The following ABCF1 variants were observed in gnomAD, a reference collection of about 807,000 sequenced individuals.
ABCF1 encodes the protein ATP binding cassette subfamily F member 1.
Under a neutral mutation model 126.3 loss-of-function variants are expected in ABCF1, and 73 were observed. That is an observed-to-expected ratio of 0.58 (90% CI 0.48 to 0.70). The LOEUF is 0.70. Among genes scored for constraint, ABCF1 ranks in the 30% least tolerant of loss-of-function variants. The pLI, the probability that ABCF1 is intolerant of heterozygous loss-of-function variation, is 0.00. For synonymous variants in ABCF1, 345 were observed against 396.4 expected, an observed-to-expected ratio of 0.87 and a Z score of 1.54; for missense variants, 786 against 1,057.5, an observed-to-expected ratio of 0.74 and a Z score of 3.56.
chr6:30,586,999 G>A lies in ABCF1; in HGVS notation c.2031+288G>A, dbSNP rs999059868. On this transcript the variant is annotated intron_variant, in intron 20 of 24. Transcript: ENST00000326195. This position sits in a 1 kb window ranked among gnomAD's most constrained non-coding sequence, Gnocchi z 4.9. ...ATTAAAAATTGCATAAACGGGCCAG[G>A]CACAGTAGCTCACTCCTATAATCCC... Among the ~76,000 whole-genome samples, 2 of 152,144 alleles carry A rather than the reference G, an allele frequency of 1.3e-5. No homozygotes were observed. The highest frequency in any genetic ancestry group is 2.9e-5 in the Non-Finnish European group (2 of 68,020).
rs1368131769 is a variant in ABCF1 at position 30,574,289 on chromosome 6, T to C, written c.73+2729T>C. On this transcript the variant is annotated intron_variant, in intron 1 of 24. Transcript: ENST00000326195. The surrounding 1 kb of genome is among the most constrained non-coding windows in gnomAD (Gnocchi z 4.3). Reference sequence around the variant, plus strand: ...GGCACACACCGCCATGCCTGGCTTATTTTTTGTTTGTTTTTGTTTTTTGTT... The same window carrying C: ...GGCACACACCGCCATGCCTGGCTTACTTTTTGTTTGTTTTTGTTTTTTGTT... Among the ~76,000 whole-genome samples the C allele has an allele frequency of 2.6e-5, 4 of 152,120 alleles. No homozygotes were observed. Among genetic ancestry groups the C allele is most frequent in the Non-Finnish European group, 5.9e-5 (4 of 68,022 alleles).
Position 30,571,464 on chromosome 6 carries a change from A to G in ABCF1, c.-24A>G, listed in dbSNP as rs1483368028. On this transcript the variant is annotated 5_prime_UTR_variant, in exon 1 of 25. Transcript: ENST00000326195. ...AGCGGAAATAGCACCGGGCGCCGCC[A>G]CAGTAGCTGTAACTGCCACCGCGAT... 7 of 1,603,260 alleles carry G rather than the reference A, an allele frequency of 4.4e-6. No homozygotes were observed. Among genetic ancestry groups the G allele is most frequent in the African/African-American group, 1.3e-5 (1 of 74,940 alleles).
chr6:30,573,082 A>G (rs1561780757), intron 1 of ABCF1, among the ~76,000 whole-genome samples: 1 of 152,250 alleles, frequency 6.6e-6, no homozygotes, highest in Non-Finnish European at 1.5e-5. Context: ...GCAATGGAGA[A>G]TGAATGGCCT....
intron 1 of ABCF1, 73 bp from the exon 2 acceptor site, chr6:30,577,336 G>T: frequency 1.4e-6 from 2 of 1,429,240 alleles, no homozygotes; most frequent in Non-Finnish European, 1.9e-6. Flanking sequence ...AGGCTACAGA[G>T]ATCTTTGCAG....
Position 30,586,483 on chromosome 6 carries a change from T to G in ABCF1, c.1895T>G (p.Phe632Cys). 3 of 1,613,662 alleles carry G rather than the reference T, an allele frequency of 1.9e-6. No individual in the cohort carries two copies. The highest frequency in any genetic ancestry group is 2.5e-6 in the Non-Finnish European group (3 of 1,180,032). The change falls in exon 19 of 25, where the codon TTC (phenylalanine) becomes TGC (cysteine). Residue 632 changes from phenylalanine (F) to cysteine (C), a missense_variant. Coordinates refer to ENST00000326195, the MANE Select transcript of ABCF1 (RefSeq NM_001025091.2). The surrounding 1 kb of genome is among the most constrained non-coding windows in gnomAD (Gnocchi z 4.9). ...TTTTCGTGGCTTTCAGGTGTGACAT[T>G]CGGCTACCAGGGACAGAAACCACTC... ...PPVLGLHGVT[F>C]GYQGQKPLFK...
chr6:30,590,444 A>G (rs1561804779), intron 24 of ABCF1, 66 bp downstream of exon 24: 15 of 1,575,754 alleles, frequency 9.5e-6, no homozygotes, highest in East Asian at 2.2e-5. Context: ...GTCCTTCACT[A>G]CAGAAGGGCC....
intron 1 of ABCF1, among the ~76,000 whole-genome samples, chr6:30,576,165 T>G (rs1308961908): frequency 6.6e-6 from 1 of 151,054 alleles, no homozygotes; most frequent in Non-Finnish European, 1.5e-5. Flanking sequence ...TTATAATATC[T>G]TCTTCCTTCC....
At chr6:30,582,566 G>A in intron 9 of ABCF1, 59 bp downstream of exon 9, 1 of 1,566,886 alleles carries the variant, frequency 6.4e-7, no homozygotes, top group Admixed American at 1.7e-5. Flanking sequence ...TCAACTAGGG[G>A]ACATGCGATT....
At position 30,589,890 on chromosome 6, in the gene ABCF1, C is replaced by A; in HGVS notation, c.2149C>A (p.Leu717Met). The change falls in exon 22 of 25, where the codon CTG becomes ATG. Residue 717 changes from leucine (L) to methionine (M), a missense_variant. This residue lies in a region of ABCF1 where 288 missense variants were observed against 423.5 expected (regional missense o/e 0.68). Transcript: ENST00000326195. ...PTEYLQRGFNLPYQDARKCLG... is the reference protein window; with the variant it reads ...PTEYLQRGFNMPYQDARKCLG... ...TGAGTACCTGCAGCGGGGCTTCAAC[C>A]TGCCCTACCAGGATGCCCGCAAGTG... is the stretch of plus-strand genomic sequence containing the variant. The A allele has an allele frequency of 6.2e-7, 1 of 1,614,228 alleles. No individual in the cohort carries two copies. The highest frequency in any genetic ancestry group is 8.5e-7 in the Non-Finnish European group (1 of 1,180,044).
At chr6:30,575,071 CTTTTTTTTTTTTTTT>C (rs958476559) in intron 1 of ABCF1, among the ~76,000 whole-genome samples, 1 of 129,808 alleles carries the variant, frequency 7.7e-6, no homozygotes, top group Non-Finnish European at 1.7e-5. Flanking sequence ...GACTTTTTTT[CTTTTTTTTTTTTTTT>C]TTTGAGACAG....
Position 30,577,916 on chromosome 6 carries a change from A to G in ABCF1, c.216+3A>G. ...AGCAGCAGCAACAGCAACAGCAGGTACAAGTGCCACAGGGCCCACCAATCC... is the reference window on the plus strand; with the variant it reads ...AGCAGCAGCAACAGCAACAGCAGGTGCAAGTGCCACAGGGCCCACCAATCC... On this transcript the variant is annotated splice_donor_region_variant and intron_variant, in intron 3 of 24. Coordinates refer to ENST00000326195, the MANE Select transcript of ABCF1 (RefSeq NM_001025091.2). 1.2e-6 allele frequency: 2 copies of G among 1,613,964 alleles called. No individual in the cohort carries two copies. The highest frequency in any genetic ancestry group is 1.7e-6 in the Non-Finnish European group (2 of 1,179,986).
intron 6 of ABCF1, 47 bp from the exon 7 acceptor site, chr6:30,579,884 C>T: frequency 1.9e-6 from 3 of 1,579,632 alleles, no homozygotes; most frequent in Non-Finnish European, 2.6e-6. Flanking sequence ...CAAAGTAGCA[C>T]AATAATTTGT....
At chr6:30,573,103 A>C (rs1037066182) in intron 1 of ABCF1, among the ~76,000 whole-genome samples, 1 of 152,232 alleles carries the variant, frequency 6.6e-6, no homozygotes, top group Non-Finnish European at 1.5e-5. Context: ...TGAACTGGTC[A>C]AGATGGAGGC....
intron 24 of ABCF1, 25 bp downstream of exon 24, chr6:30,590,403 C>T: frequency 1.3e-6 from 2 of 1,593,934 alleles, no homozygotes; most frequent in Admixed American, 3.4e-5. Context: ...AGTGTGCCCT[C>T]ATCCCTGCTC....
intron 20 of ABCF1, among the ~76,000 whole-genome samples, chr6:30,587,314 A>C (rs566426391): frequency 6.6e-6 from 1 of 150,840 alleles, no homozygotes; most frequent in East Asian, 2.0e-4. Context: ...TCTTTGGGGG[A>C]GGCTGAGGCA....
In ABCF1 at chr6:30,586,722, G is replaced by A; in HGVS notation, c.2031+11G>A. On this transcript the variant is annotated intron_variant, in intron 20 of 24. Transcript: ENST00000326195. The surrounding 1 kb of genome is among the most constrained non-coding windows in gnomAD (Gnocchi z 4.9). ...GGCAAGCTGACACCGGTGAGTCCTGGAGCCAAGGAGGGAGAGCATGAGAAA... is the reference window on the plus strand; with the variant it reads ...GGCAAGCTGACACCGGTGAGTCCTGAAGCCAAGGAGGGAGAGCATGAGAAA... 1.2e-6 allele frequency: 2 copies of A among 1,613,694 alleles called. No homozygotes were observed. Among genetic ancestry groups the A allele is most frequent in the Non-Finnish European group, 1.7e-6 (2 of 1,179,874 alleles).
Position 30,574,456 on chromosome 6 carries a change from A to C in ABCF1, c.73+2896A>C, listed in dbSNP as rs940554497. On this transcript the variant is annotated intron_variant, in intron 1 of 24. Transcript: ENST00000326195. The surrounding 1 kb of genome is among the most constrained non-coding windows in gnomAD (Gnocchi z 4.3). ...CTGGCCACAAAAGAGATTTAAAGGA[A>C]GGAGAGATGGTATGGCTGTGTTAGT... Among the ~76,000 whole-genome samples, 14 of 152,174 alleles carry C rather than the reference A, an allele frequency of 9.2e-5. No individual in the cohort carries two copies. Among genetic ancestry groups the C allele is most frequent in the African/African-American group, 3.1e-4 (13 of 41,436 alleles).
rs758908674 is a variant in ABCF1, at chr6:30,590,610, G to A, written c.2447G>A (p.Ser816Asn). 2 of 1,613,098 alleles carry A rather than the reference G, an allele frequency of 1.2e-6. No individual in the cohort carries two copies. The highest frequency in any genetic ancestry group is 2.2e-5 in the East Asian group (1 of 44,890). The change falls in exon 25 of 25, where the codon AGT becomes AAT. Residue 816 changes from serine (S) to asparagine (N), a missense_variant. Physicochemically the swap from Ser to Asn is conservative, Grantham distance 46. This residue lies in a region of ABCF1 where 288 missense variants were observed against 423.5 expected (regional missense o/e 0.68). Transcript: ENST00000326195. ...CAGCTGTGGGTGGTGGAGGAGCAGA[G>A]TGTTAGCCAAATCGATGGTGACTTT... ...NCQLWVVEEQ[S>N]VSQIDGDFED...
At position 30,584,276 on chromosome 6, in the gene ABCF1, G is replaced by A. The variant is rs61741255; in HGVS notation, c.1187G>A (p.Arg396Gln). ...TTGAAGCTGCTGGAAGAGGAGCGGCGGCTTCAGGGACAGCTGGAACAAGGG... is the reference window on the plus strand; with the variant it reads ...TTGAAGCTGCTGGAAGAGGAGCGGCAGCTTCAGGGACAGCTGGAACAAGGG... The part of the protein sequence containing the change: ...KRLKLLEEER[R>Q]LQGQLEQGDD... The change falls in exon 13 of 25, where the codon CGG becomes CAG. Residue 396 changes from arginine (R) to glutamine (Q), a missense_variant. Coordinates refer to ENST00000326195, the MANE Select transcript of ABCF1 (RefSeq NM_001025091.2). This position sits in a 1 kb window ranked among gnomAD's most constrained non-coding sequence, Gnocchi z 4.6. 1,477 of 1,613,058 alleles carry A rather than the reference G, an allele frequency of 9.2e-4. 13 individuals are homozygous for A. The African/African-American group carries it at 0.016, about 18-fold the overall frequency.
Sources: allele counts gnomAD v4.1 joint callset (sites outside exome capture counted in the v4.1 genomes callset), GRCh38; gene constraint gnomAD v4.1.1; regional missense constraint gnomAD v4.1.1; non-coding constraint Gnocchi (gnomAD v3.1); transcripts MANE v1.5; gene names NCBI Gene and HGNC (gene_info 2026-07-23, HGNC 2026-07-21).